ADAMTS20: variants seen among roughly 807,000 people sequenced by gnomAD.
ADAMTS20 encodes the protein ADAM metallopeptidase with thrombospondin type 1 motif 20, also known as A disintegrin and metalloproteinase with thrombospondin motifs 20.
A neutral mutation model predicts 260.1 loss-of-function variants in ADAMTS20; 225 were observed. That is an observed-to-expected ratio of 0.87 (90% CI 0.78 to 0.97). The LOEUF (loss-of-function observed/expected upper bound fraction) is 0.97, where lower values mean the gene tolerates loss of function less well. ADAMTS20 is among the 50% of genes least tolerant of loss of function. The pLI, the probability that ADAMTS20 is intolerant of heterozygous loss-of-function variation, is 0.00. For synonymous variants in ADAMTS20, 802 were observed against 769.5 expected (o/e 1.04, Z -0.70); for missense variants, 2,400 against 2,337.7 (o/e 1.03, Z -0.55).
At chr12:43,451,464 C>A (rs1941862395) in intron 14 of ADAMTS20, among the ~76,000 whole-genome samples, 1 of 150,176 alleles carries the variant, frequency 6.7e-6, no homozygotes, top group African/African-American at 2.4e-5. Context: ...ACTTCAAATG[C>A]TTCTATGTGT....
rs1274453170 is a variant in ADAMTS20, at chr12:43,450,061, G to A, written c.2079+2213C>T. Among the ~76,000 whole-genome samples, 4 of 152,178 alleles carry A rather than the reference G, an allele frequency of 2.6e-5. No individual in the cohort carries two copies. The East Asian group carries it at 5.8e-4, about 22-fold the overall frequency. ...ATACTCCAAAAAGATGACTTCCATG[G>A]TTATTATTTTAACTCATGACCTTAG... is the stretch of plus-strand genomic sequence containing the variant. On this transcript the variant is annotated intron_variant, in intron 14 of 38. Transcript: ENST00000389420.
At chr12:43,438,616 C>T (rs372017875) in intron 18 of ADAMTS20, among the ~76,000 whole-genome samples, 1 of 152,136 alleles carries the variant, frequency 6.6e-6, no homozygotes, top group Non-Finnish European at 1.5e-5. Flanking sequence ...GTTCCTTTGG[C>T]ACCTCGTCAG....
chr12:43,461,055 A>ATC (rs2137371071), intron 11 of ADAMTS20, among the ~76,000 whole-genome samples: 1 of 132,806 alleles, frequency 7.5e-6, no homozygotes, highest in African/African-American at 2.9e-5. Context: ...CAAAGGCGTG[A>ATC]TCTCGGCTCA....
intron 37 of ADAMTS20, 105 bp from the exon 38 acceptor site, chr12:43,356,693 T>C (rs1298961933): frequency 6.9e-6 from 5 of 722,016 alleles, no homozygotes; most frequent in Non-Finnish European, 9.1e-6. Context: ...TACTATATAA[T>C]GTTATTTGTG....
intron 28 of ADAMTS20, among the ~76,000 whole-genome samples, chr12:43,420,159 T>C (rs945204101): frequency 1.3e-5 from 2 of 152,224 alleles, no homozygotes; most frequent in Admixed American, 6.5e-5. Flanking sequence ...GTCTTCAGTA[T>C]GATAAATCAC....
At chr12:43,376,762 G>A (rs1217821615) in intron 32 of ADAMTS20, 109 bp from the exon 33 acceptor site, 2 of 1,282,610 alleles carry the variant, frequency 1.6e-6, no homozygotes, top group Non-Finnish European at 2.1e-6. Flanking sequence ...CTGAGGGTCA[G>A]TAGTGGCTAG....
chr12:43,443,869 C>T lies in ADAMTS20; in HGVS notation c.2212G>A (p.Val738Ile). The T allele has an allele frequency of 6.2e-7, 1 of 1,612,912 alleles. No homozygotes were observed. The highest frequency in any genetic ancestry group is 8.5e-7 in the Non-Finnish European group (1 of 1,179,134). ...TTTGTTGCTCCTGCGGGAATCTTTA[C>T]AACAACATTATAACCTGCAATATAA... ...NSSHYGYNVV[V>I]KIPAGATNVD... is the part of the protein sequence containing the mutation. The change falls in exon 16 of 39, where the codon GTA (valine) becomes ATA (isoleucine). Residue 738 changes from valine (V) to isoleucine (I), a missense_variant. Transcript: ENST00000389420.
chr12:43,439,370 G>A (rs1037139074), intron 18 of ADAMTS20, among the ~76,000 whole-genome samples: 11 of 152,046 alleles, frequency 7.2e-5, no homozygotes, highest in African/African-American at 2.2e-4. Context: ...GAATGAGAAC[G>A]GGAAAGTAAA....
intron 36 of ADAMTS20, 93 bp downstream of exon 36, chr12:43,375,286 C>G (rs1940198682): frequency 7.3e-7 from 1 of 1,362,402 alleles, no homozygotes; most frequent in Non-Finnish European, 9.8e-7. Context: ...AGGTCCTTCT[C>G]TGTACCCTGG....
At position 43,467,383 on chromosome 12, in the gene ADAMTS20, G is replaced by A. The variant is rs1210973093; in HGVS notation, c.1224-588C>T. Among the ~76,000 whole-genome samples the A allele has an allele frequency of 3.3e-5, 5 of 152,132 alleles. No individual in the cohort carries two copies. In the East Asian group the frequency reaches 9.7e-4, roughly 29 times the overall value. On this transcript the variant is annotated intron_variant, in intron 8 of 38. Transcript: ENST00000389420. Reference sequence around the variant, plus strand: ...TAATTATTAAGTAATTAGCAGGTTGGCAGCAGATCCTATACAATTTGGGGG... The same window carrying A: ...TAATTATTAAGTAATTAGCAGGTTGACAGCAGATCCTATACAATTTGGGGG...
intron 15 of ADAMTS20, 126 bp downstream of exon 15, chr12:43,446,466 TAAC>T (rs973536365): frequency 6.1e-5 from 38 of 626,670 alleles, no homozygotes; most frequent in African/African-American, 2.0e-4. Flanking sequence ...AATTTTTCCT[TAAC>T]AATCATTTTG....
Position 43,503,592 on chromosome 12 carries a change from C to T in ADAMTS20, c.614-1187G>A, listed in dbSNP as rs529161247. Among the ~76,000 whole-genome samples, 10 of 151,770 alleles carry T rather than the reference C, an allele frequency of 6.6e-5. No individual in the cohort carries two copies. In the South Asian group the frequency reaches 1.9e-3, roughly 28 times the overall value. On this transcript the variant is annotated intron_variant, in intron 3 of 38. Coordinates refer to ENST00000389420, the MANE Select transcript of ADAMTS20 (RefSeq NM_025003.5). ...ATTTAATTTTTATTTTAGGTTCAGG[C>T]GTACATGTGCAGGTTTGTTCTGCAG...
intron 3 of ADAMTS20, among the ~76,000 whole-genome samples, chr12:43,503,188 T>TC (rs2137449734): frequency 6.6e-6 from 1 of 152,274 alleles, no homozygotes; most frequent in South Asian, 2.1e-4. Context: ...CCTATTTCTC[T>TC]CCCCTTCATT....
chr12:43,532,459 A>G, intron 2 of ADAMTS20, among the ~76,000 whole-genome samples: 1 of 152,172 alleles, frequency 6.6e-6, no homozygotes, highest in East Asian at 1.9e-4. Context: ...CAGCATAGAT[A>G]AAAGCATCAA....
Position 43,368,998 on chromosome 12 carries a change from A to T in ADAMTS20, c.5538+292T>A, listed in dbSNP as rs146369393. On this transcript the variant is annotated intron_variant, in intron 37 of 38. Transcript: ENST00000389420. ...TCCGTTCCTTTGCCTTTTGACAAATATCTATTCATTTCCATGGACTAAACG... is the reference window on the plus strand; with the variant it reads ...TCCGTTCCTTTGCCTTTTGACAAATTTCTATTCATTTCCATGGACTAAACG... Among the ~76,000 whole-genome samples the T allele has an allele frequency of 2.6e-4, 40 of 152,280 alleles. No individual in the cohort carries two copies. In the East Asian group the frequency reaches 6.8e-3, roughly 26 times the overall value.
chr12:43,447,438 A>T (rs539208878), intron 14 of ADAMTS20, among the ~76,000 whole-genome samples: 1 of 152,310 alleles, frequency 6.6e-6, no homozygotes, highest in East Asian at 1.9e-4. Flanking sequence ...AATAAAATTC[A>T]ACACTCCTTC....
chr12:43,508,610 ATTATT>A (rs1942878111), intron 3 of ADAMTS20, among the ~76,000 whole-genome samples: 1 of 98,240 alleles, frequency 1.0e-5, no homozygotes, highest in Non-Finnish European at 2.2e-5. Context: ...AAATTTTTTT[ATTATT>A]AAAAAATATT....
chr12:43,442,168 CAT>C (rs1433560240), intron 16 of ADAMTS20, among the ~76,000 whole-genome samples: 3 of 152,066 alleles, frequency 2.0e-5, no homozygotes, highest in Non-Finnish European at 4.4e-5. Context: ...ATTGACATCA[CAT>C]GTCTATTTTA....
intron 4 of ADAMTS20, among the ~76,000 whole-genome samples, chr12:43,500,309 G>A (rs12309116): frequency 0.015 from 2,299 of 152,242 alleles, 53 homozygotes; most frequent in African/African-American, 0.051. Context: ...GATTACAGGC[G>A]TGAGCCACTA....
Sources: gnomAD v4.1 joint callset for allele counts (sites outside exome capture counted in the v4.1 genomes callset) on GRCh38, gnomAD v4.1.1 for gene constraint, MANE v1.5 for transcripts, NCBI Gene and HGNC (gene_info 2026-07-23, HGNC 2026-07-21) for gene names.